DAB1: variants seen among roughly 807,000 people sequenced by gnomAD.
DAB1 encodes the protein DAB adaptor protein 1, also known as disabled homolog 1.
DAB1 carries 15 observed loss-of-function variants against 64.6 expected under a neutral mutation model. That is an observed-to-expected ratio of 0.23 (90% CI 0.16 to 0.36). The LOEUF is 0.36. Among genes scored for constraint, DAB1 ranks in the 10% least tolerant of loss-of-function variants. The pLI is 1.00. For synonymous variants in DAB1, 235 were observed against 251.9 expected, an observed-to-expected ratio of 0.93 and a Z score of 0.64; for missense variants, 596 against 706.7, an observed-to-expected ratio of 0.84 and a Z score of 1.78.
At chr1:57,941,604 A>AGGCG (rs1487724804) in intron 5 of DAB1, among the ~76,000 whole-genome samples, 2 of 152,244 alleles carry the variant, frequency 1.3e-5, no homozygotes, top group Non-Finnish European at 2.9e-5. Flanking sequence ...TGGGAGGCCA[A>AGGCG]GGCGGGCGGA....
intron 5 of DAB1, among the ~76,000 whole-genome samples, chr1:58,099,438 C>T (rs557883130): frequency 2.0e-5 from 3 of 152,326 alleles, no homozygotes; most frequent in East Asian, 3.9e-4. Flanking sequence ...TGACCGTCTA[C>T]GTACTGAGTT....
chr1:58,220,811 C>T (rs1659120379), intron 4 of DAB1, among the ~76,000 whole-genome samples: 1 of 151,870 alleles, frequency 6.6e-6, no homozygotes, highest in South Asian at 2.1e-4. Flanking sequence ...GGTAAGTCCT[C>T]TTTGGTAAGA....
At chr1:57,962,954 T>C (rs1645562954) in intron 5 of DAB1, among the ~76,000 whole-genome samples, 1 of 152,150 alleles carries the variant, frequency 6.6e-6, no homozygotes, top group Non-Finnish European at 1.5e-5. Context: ...CCCAATTTTA[T>C]GCTATATTTT....
chr1:57,053,688 A>ATATATATATATATATTT (rs1447741565), intron 9 of DAB1, among the ~76,000 whole-genome samples: 1 of 71,420 alleles, frequency 1.4e-5, no homozygotes, highest in Non-Finnish European at 2.6e-5. Flanking sequence ...ATATATATAT[A>ATATATATATATATATTT]TTTTTTTTTT....
At chr1:58,195,743 T>C (rs770285252) in intron 4 of DAB1, among the ~76,000 whole-genome samples, 9 of 152,348 alleles carry the variant, frequency 5.9e-5, no homozygotes, top group Middle Eastern at 3.4e-3. Flanking sequence ...GCAACACATA[T>C]GGAATAACAG....
intron 7 of DAB1, among the ~76,000 whole-genome samples, chr1:57,520,639 G>T (rs1001506675): frequency 6.6e-6 from 1 of 152,128 alleles, no homozygotes; most frequent in African/African-American, 2.4e-5. Context: ...GAAGCAGACA[G>T]CATGTTGCCT....
At chr1:57,937,812 T>C (rs1227195878) in intron 5 of DAB1, among the ~76,000 whole-genome samples, 1 of 152,230 alleles carries the variant, frequency 6.6e-6, no homozygotes, top group Non-Finnish European at 1.5e-5. Flanking sequence ...GAGGAGCTGA[T>C]GTCCTGGAGC....
chr1:57,988,748 A>G (rs917560652), intron 5 of DAB1, among the ~76,000 whole-genome samples: 4 of 152,192 alleles, frequency 2.6e-5, no homozygotes, highest in Non-Finnish European at 5.9e-5. Context: ...GACTTCAGAT[A>G]GCCAGTATTC....
chr1:58,423,205 CA>C (rs1450663204), intron 3 of DAB1, among the ~76,000 whole-genome samples: 3 of 152,186 alleles, frequency 2.0e-5, no homozygotes, highest in African/African-American at 7.2e-5. Flanking sequence ...GCTTAAAAGC[CA>C]GACAGGAATT....
chr1:58,480,164 G>T (rs532308631), intron 3 of DAB1, among the ~76,000 whole-genome samples: 1 of 152,224 alleles, frequency 6.6e-6, no homozygotes, highest in African/African-American at 2.4e-5. Context: ...CAGTCGTCTT[G>T]TTGATATCTG....
chr1:57,899,905 GT>G lies in DAB1; in HGVS notation n.388-15744del, dbSNP rs143836047. Reference sequence around the variant, plus strand: ...CAATGGAACTGAACACAAACCTCTTGTCTCCCTGCCAGAAGTCTTGTTTATC... The same window carrying G: ...CAATGGAACTGAACACAAACCTCTTGCTCCCTGCCAGAAGTCTTGTTTATC... On this transcript the variant is annotated intron_variant and non_coding_transcript_variant, in intron 5 of 20. Coordinates refer to the DAB1 transcript ENST00000485760. 6.3e-3 allele frequency among the ~76,000 whole-genome samples: 956 copies of G among 151,500 alleles called. 11 individuals are homozygous for G. The highest frequency in any genetic ancestry group is 0.022 in the African/African-American group (911 of 41,320).
At chr1:57,032,345 T>C (rs1043680635) in intron 9 of DAB1, among the ~76,000 whole-genome samples, 1 of 152,150 alleles carries the variant, frequency 6.6e-6, no homozygotes, top group African/African-American at 2.4e-5. Flanking sequence ...TGTCATAAGC[T>C]GGCTGTTTTA....
intron 6 of DAB1, among the ~76,000 whole-genome samples, chr1:57,721,694 A>T (rs1647152875): frequency 6.6e-6 from 1 of 152,154 alleles, no homozygotes; most frequent in African/African-American, 2.4e-5. Context: ...CTTCTTAGGA[A>T]ATGGGACCAG....
chr1:58,116,960 G>A (rs931335062), intron 5 of DAB1, among the ~76,000 whole-genome samples: 8 of 152,144 alleles, frequency 5.3e-5, no homozygotes, highest in Admixed American at 5.2e-4. Context: ...CAACCTAACA[G>A]GTATTGTCTT....
At chr1:58,293,898 C>T (rs1478999030) in intron 4 of DAB1, among the ~76,000 whole-genome samples, 2 of 152,214 alleles carry the variant, frequency 1.3e-5, no homozygotes, top group Admixed American at 6.5e-5. Context: ...GGACTGGCTC[C>T]TCAGTGAGAT....
intron 10 of DAB1, among the ~76,000 whole-genome samples, chr1:57,024,967 G>T (rs893532535): frequency 1.3e-5 from 2 of 152,210 alleles, no homozygotes; most frequent in African/African-American, 4.8e-5. Flanking sequence ...TTCCCTGGTG[G>T]CAGCAGTGGG....
chr1:57,710,553 G>T (rs570717188), intron 6 of DAB1, among the ~76,000 whole-genome samples: 1 of 152,066 alleles, frequency 6.6e-6, no homozygotes, highest in Non-Finnish European at 1.5e-5. Flanking sequence ...TTTTCCCAAA[G>T]TTGACTTAAA....
intron 5 of DAB1, among the ~76,000 whole-genome samples, chr1:58,031,932 A>G (rs1361894284): frequency 6.8e-6 from 1 of 146,914 alleles, no homozygotes; most frequent in African/African-American, 2.5e-5. Context: ...TTGAAATTGT[A>G]AAAAAAAAAA....
intron 1 of DAB1, among the ~76,000 whole-genome samples, chr1:57,388,191 C>T (rs538147008): frequency 4.3e-4 from 66 of 152,342 alleles, no homozygotes; most frequent in Non-Finnish European, 8.2e-4. Context: ...TCTGAATAAA[C>T]ATCAAGATCA....
Sources: allele counts gnomAD v4.1 joint callset (sites outside exome capture counted in the v4.1 genomes callset), GRCh38; gene constraint gnomAD v4.1.1; transcripts MANE v1.5; gene names NCBI Gene and HGNC (gene_info 2026-07-23, HGNC 2026-07-21).